RAD51B: variants seen among roughly 807,000 people sequenced by gnomAD.
The protein encoded by RAD51B is RAD51 paralog B.
Under a neutral mutation model 42.2 loss-of-function variants are expected in RAD51B, and 38 were observed. That is an observed-to-expected ratio of 0.90 (90% CI 0.70 to 1.18). The LOEUF (loss-of-function observed/expected upper bound fraction) is 1.18. RAD51B is among the 50% of genes most tolerant of loss of function. The probability of loss-of-function intolerance (pLI) is 0.00; values close to 1 mark genes in which losing one functional copy is unlikely to be tolerated. For synonymous variants in RAD51B, 154 were observed against 145.2 expected, an observed-to-expected ratio of 1.06 and a Z score of -0.43; for missense variants, 373 against 400.7, an observed-to-expected ratio of 0.93 and a Z score of 0.59.
chr14:68,025,951 A>T (rs1046517456), intron 7 of RAD51B, among the ~76,000 whole-genome samples: 7 of 151,866 alleles, frequency 4.6e-5, no homozygotes, highest in African/African-American at 1.7e-4. Flanking sequence ...TAGATTGTTA[A>T]TTTGAGATAT....
chr14:68,664,133 G>A (rs992095189), intron 11 of RAD51B, among the ~76,000 whole-genome samples: 36 of 152,186 alleles, frequency 2.4e-4, no homozygotes, highest in African/African-American at 8.2e-4. Flanking sequence ...AATAAGCATT[G>A]TTGTTGCTGT....
chr14:67,971,083 C>T (rs2074889433), intron 7 of RAD51B, among the ~76,000 whole-genome samples: 1 of 152,068 alleles, frequency 6.6e-6, no homozygotes, highest in Non-Finnish European at 1.5e-5. Context: ...GTATGAAACT[C>T]GTTCTAAGTA....
At chr14:68,297,023 T>C (rs558889459) in intron 8 of RAD51B, among the ~76,000 whole-genome samples, 1 of 152,308 alleles carries the variant, frequency 6.6e-6, no homozygotes, top group South Asian at 2.1e-4. Flanking sequence ...GATGGCTGAT[T>C]TCATGTGCAA....
At chr14:68,154,607 T>A (rs1194463007) in intron 7 of RAD51B, among the ~76,000 whole-genome samples, 1 of 152,234 alleles carries the variant, frequency 6.6e-6, no homozygotes. Flanking sequence ...TCAGGGAGCC[T>A]GTTGGATTCC....
intron 8 of RAD51B, among the ~76,000 whole-genome samples, chr14:68,311,520 A>G (rs1401672781): frequency 1.3e-5 from 2 of 152,148 alleles, no homozygotes; most frequent in Non-Finnish European, 1.5e-5. Context: ...ATCATACTTA[A>G]AACAGCACTA....
intron 7 of RAD51B, among the ~76,000 whole-genome samples, chr14:68,222,547 G>C (rs1041673217): frequency 6.6e-6 from 1 of 152,108 alleles, no homozygotes; most frequent in African/African-American, 2.4e-5. Context: ...GGTGGCGAGA[G>C]ATAAAAGAGT....
At chr14:67,904,413 T>A (rs1265418069) in intron 7 of RAD51B, among the ~76,000 whole-genome samples, 2 of 152,106 alleles carry the variant, frequency 1.3e-5, no homozygotes, top group African/African-American at 4.8e-5. Flanking sequence ...TAGCATCTAT[T>A]ATTTTTTGAG....
intron 8 of RAD51B, among the ~76,000 whole-genome samples, chr14:68,340,300 CT>C (rs1367629062): frequency 1.3e-5 from 2 of 152,192 alleles, no homozygotes; most frequent in African/African-American, 4.8e-5. Flanking sequence ...GTAAAACTAC[CT>C]TTTGTGGGGG....
intron 8 of RAD51B, among the ~76,000 whole-genome samples, chr14:68,346,713 T>C (rs985061643): frequency 3.3e-5 from 5 of 152,182 alleles, no homozygotes; most frequent in African/African-American, 1.2e-4. Flanking sequence ...TATTCCAGAC[T>C]CCCTAGCATA....
At chr14:67,869,693 C>T (rs1258865735) in intron 5 of RAD51B, among the ~76,000 whole-genome samples, 18 of 152,036 alleles carry the variant, frequency 1.2e-4, no homozygotes, top group South Asian at 4.1e-4. Context: ...AGAGAAAGGT[C>T]GGGTTACCCT....
At chr14:67,880,708 C>T (rs2042877968) in intron 5 of RAD51B, among the ~76,000 whole-genome samples, 2 of 152,074 alleles carry the variant, frequency 1.3e-5, no homozygotes, top group African/African-American at 4.8e-5. Flanking sequence ...ATCTTTTCCT[C>T]TTCCTTTACT....
At chr14:67,822,546 G>A (rs987579295) in intron 1 of RAD51B, among the ~76,000 whole-genome samples, 1 of 151,582 alleles carries the variant, frequency 6.6e-6, no homozygotes, top group Non-Finnish European at 1.5e-5. Context: ...GCATGGTGTC[G>A]ACCCTGTCTC....
At chr14:68,530,902 A>T (rs893614044) in intron 10 of RAD51B, among the ~76,000 whole-genome samples, 2 of 152,152 alleles carry the variant, frequency 1.3e-5, no homozygotes, top group South Asian at 2.1e-4. Flanking sequence ...AAAGTTAAAT[A>T]AAAAAGTAAT....
chr14:68,238,450 A>T (rs1260474572), intron 7 of RAD51B, among the ~76,000 whole-genome samples: 1 of 152,110 alleles, frequency 6.6e-6, no homozygotes, highest in African/African-American at 2.4e-5. Context: ...ACAGGTATGT[A>T]CCACTGTGCC....
chr14:68,257,110 A>G (rs1300221442), intron 7 of RAD51B, among the ~76,000 whole-genome samples: 1 of 152,226 alleles, frequency 6.6e-6, no homozygotes, highest in African/African-American at 2.4e-5. Flanking sequence ...TTGAAGGATA[A>G]ATGTTGTATG....
At chr14:68,221,427 A>C (rs1234042448) in intron 7 of RAD51B, among the ~76,000 whole-genome samples, 1 of 152,196 alleles carries the variant, frequency 6.6e-6, no homozygotes, top group Non-Finnish European at 1.5e-5. Context: ...GCAAACAAAA[A>C]CATAAAGTGG....
At chr14:67,863,385 C>A (rs752068854) in intron 4 of RAD51B, among the ~76,000 whole-genome samples, 3 of 152,018 alleles carry the variant, frequency 2.0e-5, no homozygotes, top group African/African-American at 4.8e-5. Context: ...AACTTACTAG[C>A]GATGTAAATT....
intron 7 of RAD51B, among the ~76,000 whole-genome samples, chr14:67,902,161 T>C (rs2043634458): frequency 6.6e-6 from 1 of 152,132 alleles, no homozygotes; most frequent in Admixed American, 6.6e-5. Context: ...TCCCTATCTG[T>C]AGAAAGTGGC....
chr14:68,473,959 C>T (rs1179074500), intron 10 of RAD51B, among the ~76,000 whole-genome samples: 2 of 152,190 alleles, frequency 1.3e-5, no homozygotes, highest in Non-Finnish European at 2.9e-5. Flanking sequence ...GATTTCACAA[C>T]TTGCTTTTGT....
Sources: gnomAD v4.1 joint callset for allele counts (sites outside exome capture counted in the v4.1 genomes callset) on GRCh38, gnomAD v4.1.1 for gene constraint, MANE v1.5 for transcripts, NCBI Gene and HGNC (gene_info 2026-07-23, HGNC 2026-07-21) for gene names.